LARS2: variants seen among roughly 807,000 people sequenced by gnomAD.
LARS2 encodes the protein leucyl-tRNA synthetase 2, mitochondrial, also known as leucine--tRNA ligase, mitochondrial.
A neutral mutation model predicts 116.6 loss-of-function variants in LARS2; 81 were observed. That is an observed-to-expected ratio of 0.69 (90% CI 0.58 to 0.84). The LOEUF is 0.84. LARS2 is among the 40% of genes least tolerant of loss of function. The pLI, the probability that LARS2 is intolerant of heterozygous loss-of-function variation, is 0.00. For missense variants in LARS2, 968 were observed against 1,114.5 expected, an observed-to-expected ratio of 0.87 and a Z score of 1.87; for synonymous variants, 396 against 407.2, an observed-to-expected ratio of 0.97 and a Z score of 0.33.
chr3:45,505,116 A>G (rs1204084306), intron 15 of LARS2, among the ~76,000 whole-genome samples: 1 of 151,874 alleles, frequency 6.6e-6, no homozygotes, highest in African/African-American at 2.4e-5. Flanking sequence ...AGAAAAAGAA[A>G]TTGAGTTTAA....
chr3:45,500,160 A>G (rs574972416), intron 14 of LARS2, among the ~76,000 whole-genome samples: 1 of 152,148 alleles, frequency 6.6e-6, no homozygotes, highest in Non-Finnish European at 1.5e-5. Flanking sequence ...CACCACTACA[A>G]CTGGCTAATT....
chr3:45,417,393 A>G (rs1698444621), intron 4 of LARS2, 89 bp from the exon 5 acceptor site: 1 of 946,418 alleles, frequency 1.1e-6, no homozygotes, highest in Non-Finnish European at 1.7e-6. Flanking sequence ...GCATGTTAGC[A>G]GGAGAGAGTG....
At chr3:45,430,720 G>A (rs1165027194) in intron 6 of LARS2, among the ~76,000 whole-genome samples, 1 of 148,508 alleles carries the variant, frequency 6.7e-6, no homozygotes, top group Non-Finnish European at 1.5e-5. Context: ...GAGTAGCTGG[G>A]ACTACAGGCG....
chr3:45,440,544 A>C (rs141789804), intron 6 of LARS2, among the ~76,000 whole-genome samples: 1 of 152,144 alleles, frequency 6.6e-6, no homozygotes, highest in African/African-American at 2.4e-5. Flanking sequence ...GGGCCGCCGG[A>C]TGATTGACTT....
At chr3:45,486,737 TTC>T (rs1699821315) in intron 11 of LARS2, among the ~76,000 whole-genome samples, 1 of 152,244 alleles carries the variant, frequency 6.6e-6, no homozygotes, top group African/African-American at 2.4e-5. Context: ...AAATAATTCC[TTC>T]TGTTACTTTT....
At chr3:45,397,550 G>A (rs987278869) in intron 3 of LARS2, among the ~76,000 whole-genome samples, 12 of 152,054 alleles carry the variant, frequency 7.9e-5, no homozygotes, top group African/African-American at 2.9e-4. Context: ...AGAAATTACA[G>A]GTGGAAAATG....
chr3:45,504,093 G>A (rs887924539), intron 15 of LARS2, among the ~76,000 whole-genome samples: 1 of 151,916 alleles, frequency 6.6e-6, no homozygotes, highest in African/African-American at 2.4e-5. Flanking sequence ...TTTTAATGTA[G>A]GCATAGTATT....
intron 6 of LARS2, among the ~76,000 whole-genome samples, chr3:45,444,527 AGTGGC>A (rs1649276450): frequency 6.9e-6 from 1 of 144,570 alleles, no homozygotes; most frequent in Non-Finnish European, 1.5e-5. Context: ...AGCCGGGCGT[AGTGGC>A]GGGCGCCTGT....
intron 9 of LARS2, among the ~76,000 whole-genome samples, chr3:45,474,652 A>C (rs975741446): frequency 6.6e-6 from 1 of 152,222 alleles, no homozygotes; most frequent in Non-Finnish European, 1.5e-5. Flanking sequence ...TGTGTTCTAC[A>C]TTTATAGTAC....
intron 21 of LARS2, among the ~76,000 whole-genome samples, chr3:45,544,363 C>G (rs1172382742): frequency 1.3e-5 from 2 of 152,226 alleles, no homozygotes; most frequent in African/African-American, 2.4e-5. Context: ...CACCTCTAAG[C>G]CTCAGTTTCC....
intron 10 of LARS2, among the ~76,000 whole-genome samples, chr3:45,479,440 AG>A (rs571512803): frequency 0.018 from 2,748 of 152,170 alleles, 75 homozygotes; most frequent in African/African-American, 0.059. Flanking sequence ...GGATGGAGGG[AG>A]GGAACAGGTC....
intron 6 of LARS2, among the ~76,000 whole-genome samples, chr3:45,437,834 C>T (rs1455975971): frequency 7.2e-6 from 1 of 139,384 alleles, no homozygotes; most frequent in Non-Finnish European, 1.6e-5. Context: ...ACTTGGAATA[C>T]ATCGGTGGGG....
At chr3:45,497,294 C>A (rs1347157498) in intron 14 of LARS2, among the ~76,000 whole-genome samples, 1 of 150,820 alleles carries the variant, frequency 6.6e-6, no homozygotes, top group African/African-American at 2.4e-5. Flanking sequence ...ATTTGAACCC[C>A]GCCCCCCCCA....
intron 20 of LARS2, among the ~76,000 whole-genome samples, chr3:45,525,437 A>C (rs1395564648): frequency 6.6e-6 from 1 of 152,206 alleles, no homozygotes; most frequent in African/African-American, 2.4e-5. Context: ...GCATCAACCA[A>C]AAAAGTGGAA....
At chr3:45,508,484 A>T (rs1040908758) in intron 15 of LARS2, among the ~76,000 whole-genome samples, 1 of 152,088 alleles carries the variant, frequency 6.6e-6, no homozygotes, top group South Asian at 2.1e-4. Flanking sequence ...ATGTGACATG[A>T]TGGCCCTGGG....
intron 4 of LARS2, among the ~76,000 whole-genome samples, chr3:45,417,145 G>A (rs854198): frequency 0.12 from 18,220 of 151,316 alleles, 3,613 homozygotes; most frequent in African/African-American, 0.42. Context: ...ATGTGTGTGT[G>A]TGTGTATATA....
chr3:45,468,836 A>G (rs1699476631), intron 8 of LARS2, among the ~76,000 whole-genome samples: 1 of 152,226 alleles, frequency 6.6e-6, no homozygotes, highest in Non-Finnish European at 1.5e-5. Context: ...CTGTGTAATG[A>G]AATCCTCAGG....
chr3:45,539,005 G>A (rs180837151), intron 20 of LARS2, among the ~76,000 whole-genome samples: 6 of 152,280 alleles, frequency 3.9e-5, no homozygotes, highest in Non-Finnish European at 8.8e-5. Context: ...GGCACTTTGA[G>A]TAGCTCAGAA....
chr3:45,493,612 C>A (rs1458540716), intron 13 of LARS2, among the ~76,000 whole-genome samples: 1 of 152,128 alleles, frequency 6.6e-6, no homozygotes, highest in East Asian at 1.9e-4. Context: ...GTCTCATAAT[C>A]CCCAGGGCTA....
Sources: allele counts gnomAD v4.1 joint callset (sites outside exome capture counted in the v4.1 genomes callset), GRCh38; gene constraint gnomAD v4.1.1; transcripts MANE v1.5; gene names NCBI Gene and HGNC (gene_info 2026-07-23, HGNC 2026-07-21).